Variants in NHSL2 observed in about 807,000 individuals in gnomAD.
NHSL2 encodes NHS-like protein 2.
A neutral mutation model predicts 53.4 loss-of-function variants in NHSL2; 27 were observed. The ratio of observed to expected loss-of-function variants is 0.51; its 90% CI spans 0.37 to 0.70. NHSL2 has a LOEUF of 0.70. Ranked by LOEUF, NHSL2 falls within the 30% of genes least tolerant of loss-of-function variation. The probability of loss-of-function intolerance (pLI) is 0.00; values close to 1 mark genes in which losing one functional copy is unlikely to be tolerated. For synonymous variants in NHSL2, 408 were observed against 404.1 expected, an observed-to-expected ratio of 1.01 and a Z score of -0.12; for missense variants, 892 against 980.1, an observed-to-expected ratio of 0.91 and a Z score of 1.20.
At chrX:72,101,670 C>T (rs1217009556) in intron 1 of NHSL2, among the ~76,000 whole-genome samples, 1 of 110,225 alleles carries the variant, frequency 9.1e-6, no homozygotes, top group African/African-American at 3.3e-5. Flanking sequence ...CCTGTGGCTG[C>T]CTGGGAGGGA....
Position 72,144,019 on chromosome X carries a change from C to G in NHSL2, c.*445C>G, listed in dbSNP as rs1337004580. The G allele has an allele frequency of 8.1e-6, 1 of 123,047 alleles. No homozygotes were observed. Among genetic ancestry groups the G allele is most frequent in the Non-Finnish European group, 1.7e-5 (1 of 60,456 alleles). 10.1% of individuals were successfully genotyped at this position (123,047 alleles called of 1,213,427 possible). ...CTTATTATTCACTTTCCTAGGGAGG[C>G]TCTGATGGCCCTGTGTGCAAACACA... On this transcript the variant is annotated 3_prime_UTR_variant, in exon 8 of 8. Coordinates refer to ENST00000633930, the MANE Select transcript of NHSL2 (RefSeq NM_001013627.3).
intron 6 of NHSL2, 49 bp downstream of exon 6, chrX:72,140,820 G>A: frequency 1.0e-6 from 1 of 1,004,584 alleles, no homozygotes; most frequent in African/African-American, 1.9e-5. Flanking sequence ...GGAGAGATGA[G>A]GGTGAGAATG....
chrX:71,953,725 C>G lies in NHSL2; in HGVS notation c.280+42358C>G, dbSNP rs564369835. Among the ~76,000 whole-genome samples, 3 of 111,843 alleles carry G rather than the reference C, an allele frequency of 2.7e-5. No individual in the cohort carries two copies. In the South Asian group the frequency reaches 1.1e-3, roughly 42 times the overall value. ...AGCCTAGAATATAATTTTCTCTCCC[C>G]TTTGAATAGTTCTACTAATAGGCTC... is the stretch of plus-strand genomic sequence containing the variant. On this transcript the variant is annotated intron_variant, in intron 1 of 7. Coordinates refer to ENST00000633930, the MANE Select transcript of NHSL2 (RefSeq NM_001013627.3).
intron 1 of NHSL2, among the ~76,000 whole-genome samples, chrX:71,916,920 A>G (rs1461831840): frequency 1.8e-5 from 2 of 111,791 alleles, no homozygotes; most frequent in Non-Finnish European, 3.8e-5. Flanking sequence ...ACTTCTTGTG[A>G]TAACTCTATG....
At chrX:72,062,085 T>C (rs1347032289) in intron 1 of NHSL2, among the ~76,000 whole-genome samples, 1 of 112,602 alleles carries the variant, frequency 8.9e-6, no homozygotes. Context: ...TATAATAGGC[T>C]CAATAAAATC....
intron 1 of NHSL2, among the ~76,000 whole-genome samples, chrX:72,099,361 A>ATTTT (rs753132294): frequency 2.4e-4 from 20 of 84,327 alleles, no homozygotes; most frequent in African/African-American, 3.2e-4. Flanking sequence ...TTGTGTAGGA[A>ATTTT]TTTTTTTTTT....
chrX:71,992,982 C>T (rs1269645292), intron 1 of NHSL2, among the ~76,000 whole-genome samples: 1 of 112,114 alleles, frequency 8.9e-6, no homozygotes, highest in Non-Finnish European at 1.9e-5. Context: ...AGCTTGAAAC[C>T]AGGGTGCTCT....
intron 1 of NHSL2, among the ~76,000 whole-genome samples, chrX:72,042,110 CCTTGTCTGGGGACAAGGGCCTTG>C (rs1404733420): frequency 8.9e-6 from 1 of 112,484 alleles, no homozygotes; most frequent in Non-Finnish European, 1.9e-5. Context: ...TGTCTGGAGG[CCTTGTCTGGGGACAAGGGCCTTG>C]CAGGCATCAT....
At chrX:72,081,455 G>A (rs1271483908) in intron 1 of NHSL2, among the ~76,000 whole-genome samples, 2 of 111,989 alleles carry the variant, frequency 1.8e-5, no homozygotes, top group Non-Finnish European at 3.8e-5. Flanking sequence ...CGAGCTTTCT[G>A]CTTCTGAGGG....
intron 1 of NHSL2, among the ~76,000 whole-genome samples, chrX:72,116,852 T>G (rs756575545): frequency 9.0e-6 from 1 of 111,361 alleles, no homozygotes; most frequent in African/African-American, 3.3e-5. Flanking sequence ...AGAACCAGGG[T>G]GGTCTTGGAA....
intron 1 of NHSL2, among the ~76,000 whole-genome samples, chrX:72,009,341 T>C (rs1172878080): frequency 8.9e-6 from 1 of 112,491 alleles, no homozygotes; most frequent in Admixed American, 9.4e-5. Context: ...CTGGTTTCTT[T>C]GCAGGTGCTT....
rs2042472568 is a variant in NHSL2, at chrX:72,147,393, A to G, written c.*3819A>G. ...CCCTGTGATTTGCACTCTTTAAAGT[A>G]ATATCAGTTTATCTTCTTCCTATGA... On this transcript the variant is annotated 3_prime_UTR_variant, in exon 8 of 8. Transcript: ENST00000633930. 8.9e-6 allele frequency: 1 copy of G among 112,248 alleles called. No individual in the cohort carries two copies. The highest frequency in any genetic ancestry group is 3.2e-5 in the African/African-American group (1 of 30,851). The allele number at this position is 112,248 out of a possible 1,213,427, so 9.3% of individuals were successfully genotyped here. A position where few individuals can be genotyped will look rare whatever the true frequency, so the allele number is the denominator to read the frequency against.
intron 1 of NHSL2, among the ~76,000 whole-genome samples, chrX:72,102,322 G>A (rs974108568): frequency 1.6e-4 from 18 of 111,909 alleles, no homozygotes; most frequent in African/African-American, 5.5e-4. Flanking sequence ...TAGGAGTCTC[G>A]AAGCCTTGCA....
chrX:71,935,918 G>GA (rs770093266), intron 1 of NHSL2, among the ~76,000 whole-genome samples: 1 of 111,855 alleles, frequency 8.9e-6, no homozygotes, highest in Non-Finnish European at 1.9e-5. Flanking sequence ...CTCCTGCCTG[G>GA]AAAAAGGAAA....
rs929400088 is a variant in NHSL2, at chrX:72,147,552, G to A, written c.*3978G>A. ...TATACATTAAAGAATCTTTAATAGT[G>A]TTAATATCGGAAAACATAGTTGATT... On this transcript the variant is annotated 3_prime_UTR_variant, in exon 8 of 8. Transcript: ENST00000633930. 1 of 112,115 alleles carries A rather than the reference G, an allele frequency of 8.9e-6. No individual in the cohort carries two copies. The highest frequency in any genetic ancestry group is 3.2e-5 in the African/African-American group (1 of 30,838). 9.2% of individuals were successfully genotyped at this position (112,115 alleles called of 1,213,427 possible).
chrX:71,911,292 T>A lies in NHSL2; in HGVS notation c.205T>A (p.Tyr69Asn). The A allele has an allele frequency of 1.8e-6, 2 of 1,134,628 alleles. No individual in the cohort carries two copies. The highest frequency in any genetic ancestry group is 1.8e-5 in the African/African-American group (1 of 55,157). 93.5% of individuals were successfully genotyped at this position (1,134,628 alleles called of 1,213,427 possible). A position where few individuals can be genotyped will look rare whatever the true frequency, so the allele number is the denominator to read the frequency against. ...CCTGGGGCGCCGCACAGACAGCCTG[T>A]ACCGGCGCACCGTGCGCCTCCGCCG... ...LALGRRTDSL[Y>N]RRTVRLRRRL... Residue 69 changes from tyrosine (Y) to asparagine (N), a missense_variant, in exon 1 of 8, where the codon TAC (tyrosine) becomes AAC (asparagine). Transcript: ENST00000633930.
intron 1 of NHSL2, among the ~76,000 whole-genome samples, chrX:72,122,021 C>G (rs1048644324): frequency 8.9e-6 from 1 of 112,058 alleles, no homozygotes; most frequent in Non-Finnish European, 1.9e-5. Flanking sequence ...TGTGATTTAG[C>G]GCATTATGAA....
intron 1 of NHSL2, among the ~76,000 whole-genome samples, chrX:72,029,251 C>T (rs913123697): frequency 4.5e-5 from 5 of 110,962 alleles, no homozygotes; most frequent in South Asian, 3.9e-4. Context: ...CCAATGCCAG[C>T]GCCTGTGTAC....
chrX:71,966,382 G>A (rs2041901121), intron 1 of NHSL2, among the ~76,000 whole-genome samples: 1 of 111,835 alleles, frequency 8.9e-6, no homozygotes, highest in African/African-American at 3.2e-5. Flanking sequence ...TGTTCTTTGG[G>A]AAAGTTTCAA....
Sources: gnomAD v4.1 joint callset for allele counts (sites outside exome capture counted in the v4.1 genomes callset) on GRCh38, gnomAD v4.1.1 for gene constraint, MANE v1.5 for transcripts, NCBI Gene and HGNC (gene_info 2026-07-23, HGNC 2026-07-21) for gene names.